The following ZZZ3 variants were observed in gnomAD, a reference collection of about 807,000 sequenced individuals.
ZZZ3 encodes the protein ZZ-type zinc finger-containing protein 3.
ZZZ3 carries 22 observed loss-of-function variants against 95.2 expected under a neutral mutation model. The ratio of observed to expected loss-of-function variants is 0.23; its 90% CI spans 0.17 to 0.33. ZZZ3 has a LOEUF of 0.33. Among genes scored for constraint, ZZZ3 ranks in the 10% least tolerant of loss-of-function variants. The pLI, the probability that ZZZ3 is intolerant of heterozygous loss-of-function variation, is 1.00. For synonymous variants in ZZZ3, 335 were observed against 358.9 expected, an observed-to-expected ratio of 0.93 and a Z score of 0.75; for missense variants, 885 against 1,066.5, an observed-to-expected ratio of 0.83 and a Z score of 2.37.
intron 3 of ZZZ3, 117 bp downstream of exon 3, chr1:77,641,267 C>A: frequency 3.3e-6 from 1 of 303,378 alleles, no homozygotes; most frequent in Non-Finnish European, 6.0e-6. Context: ...CTATCAAGTT[C>A]TAATCAACCA....
chr1:77,572,480 C>T (rs1242433510), intron 12 of ZZZ3, among the ~76,000 whole-genome samples: 1 of 152,086 alleles, frequency 6.6e-6, no homozygotes, highest in Non-Finnish European at 1.5e-5. Flanking sequence ...GCTGGGACTA[C>T]AAGCATGCAC....
At chr1:77,590,221 A>C (rs1663542479) in intron 5 of ZZZ3, among the ~76,000 whole-genome samples, 1 of 152,176 alleles carries the variant, frequency 6.6e-6, no homozygotes, top group Non-Finnish European at 1.5e-5. Context: ...TAAAAATACA[A>C]AAATTAGCTG....
intron 1 of ZZZ3, among the ~76,000 whole-genome samples, chr1:77,677,827 C>T (rs1161250006): frequency 6.6e-6 from 1 of 152,018 alleles, no homozygotes; most frequent in Non-Finnish European, 1.5e-5. Context: ...CCCACAAATA[C>T]ATAAAAAATA....
At chr1:77,643,719 A>G (rs1204285633) in intron 1 of ZZZ3, among the ~76,000 whole-genome samples, 1 of 152,242 alleles carries the variant, frequency 6.6e-6, no homozygotes, top group Non-Finnish European at 1.5e-5. Context: ...ACATGTAATC[A>G]CTTCAAAAGA....
intron 5 of ZZZ3, among the ~76,000 whole-genome samples, chr1:77,609,546 T>C (rs1248803336): frequency 1.3e-5 from 2 of 152,110 alleles, no homozygotes; most frequent in South Asian, 4.1e-4. Context: ...CAAATGGACC[T>C]AACAGATACA....
chr1:77,631,567 A>G (rs754402596), intron 5 of ZZZ3, among the ~76,000 whole-genome samples: 1 of 152,150 alleles, frequency 6.6e-6, no homozygotes, highest in Non-Finnish European at 1.5e-5. Context: ...ACTAAAAATG[A>G]TATAAAACAT....
intron 4 of ZZZ3, among the ~76,000 whole-genome samples, chr1:77,637,800 T>C (rs1329614431): frequency 6.6e-6 from 1 of 152,180 alleles, no homozygotes; most frequent in Non-Finnish European, 1.5e-5. Flanking sequence ...AAGAATACAA[T>C]AAAGAAGCTT....
chr1:77,633,276 T>G lies in ZZZ3; in HGVS notation c.79A>C (p.Thr27Pro), dbSNP rs772490275. The G allele has an allele frequency of 1.2e-6, 2 of 1,614,028 alleles. No individual in the cohort carries two copies. Among genetic ancestry groups the G allele is most frequent in the Admixed American group, 3.3e-5 (2 of 60,010 alleles). Residue 27 changes from threonine to proline, a missense_variant, in exon 5 of 15, where the codon ACT becomes CCT. Physicochemically the swap from Thr to Pro is conservative, Grantham distance 38 (BLOSUM62 -1). Transcript: ENST00000370801. ...TGCGCAATGCTACGATTCCTTAAAGTTCTACCACAAAAAGATTCATCCAAG... is the reference window on the plus strand; with the variant it reads ...TGCGCAATGCTACGATTCCTTAAAGGTCTACCACAAAAAGATTCATCCAAG... The part of the protein sequence containing the change: ...NGLDESFCGR[T>P]LRNRSIAHPE...
chr1:77,582,621 T>C (rs1380843812), intron 6 of ZZZ3, among the ~76,000 whole-genome samples: 1 of 150,020 alleles, frequency 6.7e-6, no homozygotes, highest in Non-Finnish European at 1.5e-5. Flanking sequence ...TTAAACCTAG[T>C]AGGAAAATTT....
intron 5 of ZZZ3, among the ~76,000 whole-genome samples, chr1:77,608,294 T>C (rs987408559): frequency 3.9e-5 from 6 of 152,130 alleles, no homozygotes; most frequent in Admixed American, 6.5e-5. Flanking sequence ...ATAGCTCCAA[T>C]ATGTCTGGCA....
chr1:77,660,775 C>A (rs1233605246), intron 1 of ZZZ3, among the ~76,000 whole-genome samples: 1 of 152,114 alleles, frequency 6.6e-6, no homozygotes, highest in Non-Finnish European at 1.5e-5. Context: ...TTATTTTAGG[C>A]CCCAACTCTC....
chr1:77,611,555 C>T lies in ZZZ3; in HGVS notation c.1505+20295G>A, dbSNP rs559044508. The stretch of plus-strand genomic sequence containing the variant: ...TCTTGAGCAAAAAACAAAAACAAAA[C>T]CCAAAGCCGGAAGCATCACACTCAA... On this transcript the variant is annotated intron_variant, in intron 5 of 14. Coordinates refer to ENST00000370801, the MANE Select transcript of ZZZ3 (RefSeq NM_015534.6). 2.6e-5 allele frequency among the ~76,000 whole-genome samples: 4 copies of T among 151,828 alleles called. No individual in the cohort carries two copies. The South Asian group carries it at 6.2e-4, about 24-fold the overall frequency.
At chr1:77,644,476 C>T (rs182591148) in intron 1 of ZZZ3, among the ~76,000 whole-genome samples, 2 of 152,194 alleles carry the variant, frequency 1.3e-5, no homozygotes, top group Non-Finnish European at 2.9e-5. Flanking sequence ...CTGCTCAGAA[C>T]CACATGTTCA....
intron 11 of ZZZ3, 83 bp from the exon 12 acceptor site, chr1:77,576,303 CA>C: frequency 8.9e-7 from 1 of 1,127,354 alleles, no homozygotes. Context: ...ATGTTACTTC[CA>C]ACAAGTCTAT....
intron 1 of ZZZ3, among the ~76,000 whole-genome samples, chr1:77,649,848 G>C (rs891137118): frequency 1.2e-4 from 18 of 151,674 alleles, no homozygotes; most frequent in Non-Finnish European, 2.6e-4. Flanking sequence ...ACTCCAGCCT[G>C]GGCAACGAGA....
At chr1:77,613,857 A>G (rs1031428767) in intron 5 of ZZZ3, among the ~76,000 whole-genome samples, 3 of 152,298 alleles carry the variant, frequency 2.0e-5, no homozygotes, top group African/African-American at 7.2e-5. Flanking sequence ...AGCATAGTCT[A>G]TAATACATTT....
intron 5 of ZZZ3, among the ~76,000 whole-genome samples, chr1:77,612,230 C>A (rs1665882974): frequency 6.6e-6 from 1 of 151,906 alleles, no homozygotes; most frequent in Non-Finnish European, 1.5e-5. Flanking sequence ...CAAATTAAGT[C>A]CACTATATGA....
At chr1:77,637,769 C>T (rs1668432396) in intron 4 of ZZZ3, among the ~76,000 whole-genome samples, 1 of 152,160 alleles carries the variant, frequency 6.6e-6, no homozygotes, top group Non-Finnish European at 1.5e-5. Flanking sequence ...CTCATTTTAG[C>T]TGCATTGCAA....
rs1668581126 is a variant in ZZZ3 at position 77,639,495 on chromosome 1, TTA to T, written c.-100_-99del. 2 of 1,499,126 alleles carry T rather than the reference TTA, an allele frequency of 1.3e-6. No individual in the cohort carries two copies. The highest frequency in any genetic ancestry group is 2.3e-5 in the Admixed American group (1 of 44,152). 92.9% of individuals were successfully genotyped at this position (1,499,126 alleles called of 1,614,324 possible). On this transcript the variant is annotated 5_prime_UTR_variant, in exon 4 of 15. Coordinates refer to ENST00000370801, the MANE Select transcript of ZZZ3 (RefSeq NM_015534.6). ...ATTGTGGAAATATAATCTCTTTTCCTTATATCCTGAAGGAGTTGGAGCTATGA... is the reference window on the plus strand; with the variant it reads ...ATTGTGGAAATATAATCTCTTTTCCTTATCCTGAAGGAGTTGGAGCTATGA...
Sources: allele counts gnomAD v4.1 joint callset (sites outside exome capture counted in the v4.1 genomes callset), GRCh38; gene constraint gnomAD v4.1.1; transcripts MANE v1.5; gene names NCBI Gene and HGNC (gene_info 2026-07-23, HGNC 2026-07-21).